The following NLRC4 variants were observed in gnomAD, a reference collection of about 807,000 sequenced individuals.
NLRC4 encodes the protein NLR family CARD domain containing 4.
In NLRC4, 63 loss-of-function variants were observed where a neutral mutation model predicts 79.9. The ratio of observed to expected loss-of-function variants is 0.79; its 90% CI spans 0.64 to 0.97. The LOEUF (loss-of-function observed/expected upper bound fraction) is 0.97, where lower values mean the gene tolerates loss of function less well. Ranked by LOEUF, NLRC4 falls within the 50% of genes least tolerant of loss-of-function variation. The probability of loss-of-function intolerance (pLI) is 0.00; values close to 1 mark genes in which losing one functional copy is unlikely to be tolerated. For synonymous variants in NLRC4, 461 were observed against 456.5 expected, an observed-to-expected ratio of 1.01 and a Z score of -0.12; for missense variants, 1,074 against 1,215.2, an observed-to-expected ratio of 0.88 and a Z score of 1.73.
At chr2:32,236,417 T>A in intron 6 of NLRC4, 78 bp from the exon 7 acceptor site, 1 of 765,790 alleles carries the variant, frequency 1.3e-6, no homozygotes. Context: ...TTAGAATAAT[T>A]CTGAGTTTTA....
intron 8 of NLRC4, among the ~76,000 whole-genome samples, chr2:32,227,410 C>T (rs1686429920): frequency 6.6e-6 from 1 of 152,166 alleles, no homozygotes; most frequent in African/African-American, 2.4e-5. Context: ...TGGCTTTCTC[C>T]CTGCTCTCTC....
At chr2:32,234,334 AT>A (rs1463502275) in intron 8 of NLRC4, among the ~76,000 whole-genome samples, 1 of 152,064 alleles carries the variant, frequency 6.6e-6, no homozygotes, top group Non-Finnish European at 1.5e-5. Context: ...GTGAGCTAAG[AT>A]TGCGCAACTG....
At chr2:32,238,028 C>T in intron 6 of NLRC4, 104 bp downstream of exon 6, 2 of 744,758 alleles carry the variant, frequency 2.7e-6, no homozygotes. Context: ...TTCCAGTTTT[C>T]CTTAAAATTA....
rs181247703 is a variant in NLRC4 at position 32,233,383 on chromosome 2, C to T, written c.2782+2018G>A. On this transcript the variant is annotated intron_variant, in intron 8 of 8. Transcript: ENST00000402280. The stretch of plus-strand genomic sequence containing the variant: ...TTTTTTTTTTTAATTGTAGAGACGA[C>T]ATGTTACCATATTGCCCAGGCTGGT... Among the ~76,000 whole-genome samples, 6 of 118,098 alleles carry T rather than the reference C, an allele frequency of 5.1e-5. No individual in the cohort carries two copies. The East Asian group carries it at 9.8e-4, about 19-fold the overall frequency. 77.5% of individuals were successfully genotyped at this position (118,098 alleles called of 152,430 possible). A position where few individuals can be genotyped will look rare whatever the true frequency, so the allele number is the denominator to read the frequency against.
intron 8 of NLRC4, among the ~76,000 whole-genome samples, chr2:32,233,154 A>G (rs1447859169): frequency 1.6e-4 from 10 of 61,074 alleles, no homozygotes; most frequent in African/African-American, 7.3e-4. Flanking sequence ...GGAAGGAAGG[A>G]AGGAAGGAAG....
intron 8 of NLRC4, among the ~76,000 whole-genome samples, chr2:32,230,161 C>A (rs1370518205): frequency 6.6e-6 from 1 of 152,004 alleles, no homozygotes; most frequent in African/African-American, 2.4e-5. Flanking sequence ...AGAAGAGAAA[C>A]CTATAAGCTC....
Position 32,248,181 on chromosome 2 carries a change from C to T in NLRC4, c.2257+1426G>A, listed in dbSNP as rs1479789838. ...TAATAAAGCAAAACTATATATCTAA[C>T]ATTTTCACAGTATTCCTGGCTAATA... is the stretch of plus-strand genomic sequence containing the variant. On this transcript the variant is annotated intron_variant, in intron 4 of 8. Coordinates refer to ENST00000402280, the MANE Select transcript of NLRC4 (RefSeq NM_001199138.2). Among the ~76,000 whole-genome samples the T allele has an allele frequency of 2.0e-5, 3 of 152,116 alleles. No homozygotes were observed. The East Asian group carries it at 5.8e-4, about 29-fold the overall frequency.
chr2:32,228,969 T>C (rs563023392), intron 8 of NLRC4, among the ~76,000 whole-genome samples: 2 of 151,748 alleles, frequency 1.3e-5, no homozygotes, highest in East Asian at 4.0e-4. Flanking sequence ...TTTCACCATG[T>C]TGGCCAGGCT....
intron 8 of NLRC4, among the ~76,000 whole-genome samples, chr2:32,228,975 A>T (rs888791979): frequency 1.3e-5 from 2 of 150,134 alleles, no homozygotes; most frequent in Non-Finnish European, 3.0e-5. Context: ...CATGTTGGCC[A>T]GGCTGGTTTT....
intron 7 of NLRC4, 90 bp downstream of exon 7, chr2:32,236,157 G>C (rs1323192722): frequency 6.7e-6 from 5 of 743,922 alleles, no homozygotes; most frequent in Non-Finnish European, 9.0e-6. Context: ...GCACACATGG[G>C]TATAAAAGAC....
Position 32,250,906 on chromosome 2 carries a change from C to G in NLRC4, c.958G>C (p.Gly320Arg). 1 of 1,614,150 alleles carries G rather than the reference C, an allele frequency of 6.2e-7. No individual in the cohort carries two copies. The highest frequency in any genetic ancestry group is 8.5e-7 in the Non-Finnish European group (1 of 1,180,032). Residue 320 changes from glycine (G) to arginine (R), a missense_variant, in exon 4 of 9, where the codon GGC becomes CGC. Transcript: ENST00000402280. The surrounding 1 kb of genome is among the most constrained non-coding windows in gnomAD (Gnocchi z 4.9). Reference protein sequence around the residue: ...REVLIKELAEGLLLQIQKSRC... With the variant: ...REVLIKELAERLLLQIQKSRC... ...GATTTCTGAATTTGGAGCAACAAGC[C>G]TTCAGCAAGCTCCTTGATCAGCACT...
At chr2:32,245,349 C>G (rs983903234) in intron 4 of NLRC4, among the ~76,000 whole-genome samples, 1 of 145,046 alleles carries the variant, frequency 6.9e-6, no homozygotes, top group African/African-American at 2.6e-5. Context: ...GAATAGAGGT[C>G]ATTATGGTAA....
At position 32,231,498 on chromosome 2, in the gene NLRC4, A is replaced by G. The variant is rs185039348; in HGVS notation, c.2782+3903T>C. Reference sequence around the variant, plus strand: ...ATTCAAGATGGAAGTCCTTTATTAGATAATGTGATCTGCAATTTTTTTTTC... The same window carrying G: ...ATTCAAGATGGAAGTCCTTTATTAGGTAATGTGATCTGCAATTTTTTTTTC... On this transcript the variant is annotated intron_variant, in intron 8 of 8. Transcript: ENST00000402280. Among the ~76,000 whole-genome samples the G allele has an allele frequency of 3.2e-3, 452 of 141,894 alleles. 2 individuals are homozygous for G. The highest frequency in any genetic ancestry group is 5.1e-3 in the Non-Finnish European group (342 of 66,788). 93.1% of individuals were successfully genotyped at this position (141,894 alleles called of 152,430 possible). A position where few individuals can be genotyped will look rare whatever the true frequency, so the allele number is the denominator to read the frequency against.
rs762280260 is a variant in NLRC4 at position 32,251,209 on chromosome 2, G to A, written c.655C>T (p.Gln219Ter). Residue 219 changes from glutamine to a stop codon, truncating the protein, a stop_gained, in exon 4 of 9, where the codon CAA becomes TAA. Coordinates refer to ENST00000402280, the MANE Select transcript of NLRC4 (RefSeq NM_001199138.2). LOFTEE classifies it high-confidence loss of function. ...ATTGTGCCAGGTATATCCAGGAGTT[G>A]ATCACAGAGGGTTTCAAAAAGTCCA... ...QGGLFETLCDQLLDIPGTIRK... is the reference protein window; with the variant it reads ...QGGLFETLCD 1.9e-6 allele frequency: 3 copies of A among 1,614,176 alleles called. No individual in the cohort carries two copies. The highest frequency in any genetic ancestry group is 1.1e-5 in the South Asian group (1 of 91,078).
At chr2:32,258,619 A>G (rs1687265624) in intron 1 of NLRC4, among the ~76,000 whole-genome samples, 1 of 152,240 alleles carries the variant, frequency 6.6e-6, no homozygotes, top group Non-Finnish European at 1.5e-5. Context: ...CTTGTACGCC[A>G]AGATGAGGCA....
chr2:32,224,851 T>C (rs1202697821), intron 8 of NLRC4, 86 bp from the exon 9 acceptor site: 20 of 782,534 alleles, frequency 2.6e-5, no homozygotes, highest in Middle Eastern at 2.7e-4. Context: ...TTTTACATAC[T>C]TTTTTTTCAC....
Position 32,224,608 on chromosome 2 carries a change from A to T in NLRC4, c.2940T>A (p.Asp980Glu). 1 of 1,613,962 alleles carries T rather than the reference A, an allele frequency of 6.2e-7. No homozygotes were observed. Among genetic ancestry groups the T allele is most frequent in the Non-Finnish European group, 8.5e-7 (1 of 1,179,876 alleles). The change falls in exon 9 of 9, where the codon GAT becomes GAA. Residue 980 changes from aspartate (D) to glutamate (E), a missense_variant. Transcript: ENST00000402280. ...GGCTAAGTTTTCTGACTAATGCTGG[A>T]TCAGGTAGAAATTCTTTAGTACTAA... is the stretch of plus-strand genomic sequence containing the variant. Reference protein sequence around the residue: ...FDFSTKEFLPDPALVRKLSQV... With the variant: ...FDFSTKEFLPEPALVRKLSQV...
chr2:32,255,553 T>A (rs571808219), intron 2 of NLRC4, among the ~76,000 whole-genome samples: 6 of 146,922 alleles, frequency 4.1e-5, no homozygotes, highest in Admixed American at 4.1e-4. Flanking sequence ...AAATACAGCC[T>A]CAGAAAGGCT....
At chr2:32,233,349 A>ATATATTTTTTT (rs1418146489) in intron 8 of NLRC4, among the ~76,000 whole-genome samples, 1 of 41,102 alleles carries the variant, frequency 2.4e-5, no homozygotes, top group African/African-American at 9.5e-5. Context: ...ATATATATAT[A>ATATATTTTTTT]TTTTTTTTTT....
Sources: allele counts gnomAD v4.1 joint callset (sites outside exome capture counted in the v4.1 genomes callset), GRCh38; gene constraint gnomAD v4.1.1; non-coding constraint Gnocchi (gnomAD v3.1); transcripts MANE v1.5; gene names NCBI Gene and HGNC (gene_info 2026-07-23, HGNC 2026-07-21).